The following UGGT2 variants were observed in gnomAD, a reference collection of about 807,000 sequenced individuals.
The protein encoded by UGGT2 is UDP-glucose glycoprotein glucosyltransferase 2.
In UGGT2, 180 loss-of-function variants were observed where a neutral mutation model predicts 192.1. The observed-to-expected ratio is 0.94, with a 90% CI of 0.83 to 1.06. The LOEUF (loss-of-function observed/expected upper bound fraction) is 1.06, where lower values mean the gene tolerates loss of function less well. UGGT2 is among the 50% of genes least tolerant of loss of function. The pLI, the probability that UGGT2 is intolerant of heterozygous loss-of-function variation, is 0.00. For synonymous variants in UGGT2, 580 were observed against 591.0 expected, an observed-to-expected ratio of 0.98 and a Z score of 0.27; for missense variants, 1,849 against 1,795.7, an observed-to-expected ratio of 1.03 and a Z score of -0.54.
chr13:96,052,758 A>G (rs554100652), intron 1 of UGGT2, among the ~76,000 whole-genome samples: 3 of 152,228 alleles, frequency 2.0e-5, no homozygotes, highest in Non-Finnish European at 4.4e-5. Context: ...TGCCCTCCCC[A>G]TAGTAAGCCT....
intron 25 of UGGT2, among the ~76,000 whole-genome samples, chr13:95,888,974 T>C (rs2047724009): frequency 6.6e-6 from 1 of 152,036 alleles, no homozygotes; most frequent in African/African-American, 2.4e-5. Context: ...TGCAGCATCA[T>C]GTTTGACTAA....
intron 36 of UGGT2, among the ~76,000 whole-genome samples, chr13:95,848,604 T>C (rs1006628828): frequency 1.3e-5 from 2 of 152,202 alleles, no homozygotes; most frequent in Non-Finnish European, 2.9e-5. Context: ...TTTATGTGGA[T>C]TTATTTCTGG....
chr13:95,996,319 C>T (rs939338063), intron 6 of UGGT2, among the ~76,000 whole-genome samples, 184 bp from the exon 7 acceptor site: 1 of 151,870 alleles, frequency 6.6e-6, no homozygotes. Flanking sequence ...CTGACCAACA[C>T]AGTGAAACCT....
intron 36 of UGGT2, among the ~76,000 whole-genome samples, chr13:95,848,000 A>G (rs1296631995): frequency 1.3e-5 from 2 of 152,150 alleles, no homozygotes; most frequent in African/African-American, 2.4e-5. Context: ...TGGCCTTCCT[A>G]ATAGGTGTGT....
intron 5 of UGGT2, among the ~76,000 whole-genome samples, chr13:96,007,185 A>G (rs1440248902): frequency 6.6e-6 from 1 of 152,172 alleles, no homozygotes; most frequent in Non-Finnish European, 1.5e-5. Flanking sequence ...AGAACCAAGA[A>G]CACAAAAACC....
intron 20 of UGGT2, among the ~76,000 whole-genome samples, chr13:95,909,747 TATAATA>T (rs148389354): frequency 0.41 from 44,276 of 109,230 alleles, 8,978 homozygotes; most frequent in Middle Eastern, 0.46. Flanking sequence ...AAACTTGAAG[TATAATA>T]ATAATAATAA....
intron 20 of UGGT2, among the ~76,000 whole-genome samples, chr13:95,911,254 A>G (rs2048486238): frequency 6.6e-6 from 1 of 152,208 alleles, no homozygotes. Flanking sequence ...GAACTGAAGG[A>G]GATAGAGACA....
intron 35 of UGGT2, 74 bp from the exon 36 acceptor site, chr13:95,853,731 T>C: frequency 1.0e-6 from 1 of 975,198 alleles, no homozygotes; most frequent in Non-Finnish European, 1.5e-6. Flanking sequence ...CCAGTGAGTG[T>C]CTACAGTGAC....
chr13:96,051,171 T>C (rs986030087), intron 1 of UGGT2, among the ~76,000 whole-genome samples: 21 of 152,206 alleles, frequency 1.4e-4, no homozygotes, highest in African/African-American at 5.1e-4. Context: ...GATGAGTTCA[T>C]GTCCTTTGTA....
chr13:95,887,975 T>G lies in UGGT2; in HGVS notation c.2959-4A>C. The G allele has an allele frequency of 4.4e-6, 7 of 1,585,730 alleles. No individual in the cohort carries two copies. The highest frequency in any genetic ancestry group is 6.0e-6 in the Non-Finnish European group (7 of 1,162,894). ...TGTTGATAATCTTGCCAAGTACCTA[T>G]TGGAAAGAAATTCCCATGTTTGATA... is the stretch of plus-strand genomic sequence containing the variant. On this transcript the variant is annotated splice_polypyrimidine_tract_variant and splice_region_variant and intron_variant, in intron 25 of 38. Transcript: ENST00000376747.
chr13:96,004,758 G>A (rs1050806082), intron 5 of UGGT2, among the ~76,000 whole-genome samples: 6 of 148,560 alleles, frequency 4.0e-5, no homozygotes, highest in Non-Finnish European at 7.4e-5. Context: ...ATAATTTATT[G>A]TATGTTTCAA....
intron 36 of UGGT2, among the ~76,000 whole-genome samples, chr13:95,853,067 T>C (rs931347647): frequency 2.6e-5 from 4 of 152,062 alleles, no homozygotes; most frequent in Admixed American, 6.6e-5. Flanking sequence ...TCTCATGAGA[T>C]CTGATGGTTT....
At chr13:95,854,278 CTTAT>C in intron 35 of UGGT2, 33 bp downstream of exon 35, 1 of 1,575,240 alleles carries the variant, frequency 6.3e-7, no homozygotes, top group Middle Eastern at 1.7e-4. Context: ...CAATACATTA[CTTAT>C]TTACTAAATG....
At chr13:96,052,958 C>T (rs2053529652) in intron 1 of UGGT2, among the ~76,000 whole-genome samples, 197 bp downstream of exon 1, 1 of 152,238 alleles carries the variant, frequency 6.6e-6, no homozygotes, top group South Asian at 2.1e-4. Context: ...GGGAAAGGAA[C>T]TGCAAGTGAG....
chr13:95,875,892 A>G (rs1461487283), intron 29 of UGGT2, among the ~76,000 whole-genome samples: 3 of 152,210 alleles, frequency 2.0e-5, no homozygotes, highest in African/African-American at 7.2e-5. Context: ...TGGTATAATA[A>G]AAGGTGCTCA....
At position 95,873,694 on chromosome 13, in the gene UGGT2, T is replaced by C. The variant is rs561497961; in HGVS notation, c.3473+3585A>G. The stretch of plus-strand genomic sequence containing the variant: ...ATCTGTAAGTGATAAATCTTTGAAC[T>C]TATTTCTTTTTGTGGTGGTGTATTA... On this transcript the variant is annotated intron_variant, in intron 29 of 38. Transcript: ENST00000376747. 2.0e-5 allele frequency among the ~76,000 whole-genome samples: 3 copies of C among 152,300 alleles called. No individual in the cohort carries two copies. The East Asian group carries it at 5.8e-4, about 29-fold the overall frequency.
At chr13:95,890,448 A>G (rs1184423476) in intron 25 of UGGT2, among the ~76,000 whole-genome samples, 1 of 152,124 alleles carries the variant, frequency 6.6e-6, no homozygotes, top group Non-Finnish European at 1.5e-5. Flanking sequence ...TGTGTGCTCA[A>G]ATAACCTCTT....
At chr13:96,032,187 T>C (rs2052857728) in intron 1 of UGGT2, among the ~76,000 whole-genome samples, 1 of 152,156 alleles carries the variant, frequency 6.6e-6, no homozygotes, top group South Asian at 2.1e-4. Context: ...CATATAATCA[T>C]GTCAGGAAAA....
At chr13:95,902,494 T>C (rs1354470546) in intron 21 of UGGT2, among the ~76,000 whole-genome samples, 3 of 151,998 alleles carry the variant, frequency 2.0e-5, no homozygotes, top group Non-Finnish European at 4.4e-5. Context: ...TGAATAATGA[T>C]TGTTTCTTCA....
Sources: allele counts gnomAD v4.1 joint callset (sites outside exome capture counted in the v4.1 genomes callset), GRCh38; gene constraint gnomAD v4.1.1; transcripts MANE v1.5; gene names NCBI Gene and HGNC (gene_info 2026-07-23, HGNC 2026-07-21).